PROSER1: variants seen among roughly 807,000 people sequenced by gnomAD.
The protein encoded by PROSER1 is proline and serine-rich protein 1.
Under a neutral mutation model 71.8 loss-of-function variants are expected in PROSER1, and 36 were observed. The ratio of observed to expected loss-of-function variants is 0.50; its 90% CI spans 0.38 to 0.66. The LOEUF is 0.66. PROSER1 is among the 30% of genes least tolerant of loss of function. The pLI is 0.00. For synonymous variants in PROSER1, 490 were observed against 452.4 expected, an observed-to-expected ratio of 1.08 and a Z score of -1.06; for missense variants, 1,107 against 1,135.0, an observed-to-expected ratio of 0.98 and a Z score of 0.35.
intron 1 of PROSER1, among the ~76,000 whole-genome samples, chr13:39,035,236 T>C (rs1343137411): frequency 6.6e-6 from 1 of 152,180 alleles, no homozygotes; most frequent in Non-Finnish European, 1.5e-5. Context: ...ATCAATGTAA[T>C]AATCGGACAC....
At position 39,013,880 on chromosome 13, in the gene PROSER1, C is replaced by A; in HGVS notation, c.1372G>T (p.Val458Phe). ...CTGTTCACACCAAGTGGACCGGCAA[C>A]GCTGGGAGTAGAGCCACCAGCAATT... ...PVIAGGSTPS[V>F]AGPLGVNSPL... The change falls in exon 11 of 13, where the codon GTT becomes TTT. Residue 458 changes from valine (V) to phenylalanine (F), a missense_variant. Coordinates refer to ENST00000352251, the MANE Select transcript of PROSER1 (RefSeq NM_025138.5). The A allele has an allele frequency of 6.2e-7, 1 of 1,614,132 alleles. No homozygotes were observed. The highest frequency in any genetic ancestry group is 1.1e-5 in the South Asian group (1 of 91,080).
At chr13:39,024,628 C>A in intron 6 of PROSER1, 72 bp from the exon 7 acceptor site, 1 of 1,070,912 alleles carries the variant, frequency 9.3e-7, no homozygotes, top group Non-Finnish European at 1.4e-6. Flanking sequence ...AATAACCAAC[C>A]TCACTGTATT....
intron 9 of PROSER1, among the ~76,000 whole-genome samples, chr13:39,019,559 AAAATG>A (rs1870190624): frequency 6.6e-6 from 1 of 150,984 alleles, no homozygotes; most frequent in Non-Finnish European, 1.5e-5. Context: ...ATATGGAAGT[AAAATG>A]ATATATAGAA....
chr13:39,022,971 C>T, intron 8 of PROSER1, 81 bp downstream of exon 8: 4 of 1,210,216 alleles, frequency 3.3e-6, no homozygotes, highest in Non-Finnish European at 4.8e-6. Context: ...ATTTGCCAAC[C>T]ACATAGACCA....
chr13:39,029,103 T>C (rs1243377431), intron 4 of PROSER1, 178 bp downstream of exon 4: 1 of 422,664 alleles, frequency 2.4e-6, no homozygotes, highest in East Asian at 3.6e-5. Context: ...TTTTATAAGT[T>C]ATAGTCATAT....
In PROSER1 at chr13:39,013,674, G is replaced by C; in HGVS notation, c.1578C>G (p.Thr526=). The change falls in exon 11 of 13, where the codon ACC becomes ACG. Residue 526 remains threonine, a synonymous_variant. Transcript: ENST00000352251. ...NKCYAPSAIP[T]PQRTSTPGLA... is the part of the protein sequence containing the mutation. ...ACCCTGGAGTGGAAGTCCTCTGTGG[G>C]GTAGGGATGGCTGATGGGGCATAGC... 6.2e-7 allele frequency: 1 copy of C among 1,614,178 alleles called. No individual in the cohort carries two copies.
intron 8 of PROSER1, 71 bp downstream of exon 8, chr13:39,022,981 A>T (rs1870364069): frequency 7.7e-7 from 1 of 1,304,588 alleles, no homozygotes; most frequent in South Asian, 1.2e-5. Flanking sequence ...CACATAGACC[A>T]GCATTTACTT....
intron 9 of PROSER1, 94 bp from the exon 10 acceptor site, chr13:39,017,638 T>A (rs377125052): frequency 1.5e-6 from 1 of 682,460 alleles, no homozygotes; most frequent in South Asian, 1.8e-5. Context: ...AAACACAGGA[T>A]ATAAATATTT....
Position 39,010,373 on chromosome 13 carries a change from C to T in PROSER1, c.*992G>A, listed in dbSNP as rs1869584930. ...GATTGGAATTCATTCTCCTTACTCC[C>T]CTACTTCCCACATGTGGCAGTTATT... On this transcript the variant is annotated 3_prime_UTR_variant, in exon 13 of 13. Coordinates refer to ENST00000352251, the MANE Select transcript of PROSER1 (RefSeq NM_025138.5). The T allele has an allele frequency of 6.6e-6, 1 of 152,590 alleles. No homozygotes were observed. The highest frequency in any genetic ancestry group is 2.4e-5 in the African/African-American group (1 of 41,432). The allele number at this position is 152,590 out of a possible 1,614,324, so 9.5% of individuals were successfully genotyped here. A position where few individuals can be genotyped will look rare whatever the true frequency, so the allele number is the denominator to read the frequency against.
chr13:39,012,986 GTGC>G lies in PROSER1; in HGVS notation c.2263_2265del (p.Ala755del). ...AGGGGGAAAGGTGCTGCTGAGACTG[GTGC>G]TGAAGCAGAAAGCCCTGAGAGAACA... is the stretch of plus-strand genomic sequence containing the variant. On this transcript the variant is annotated inframe_deletion, in exon 11 of 13. Coordinates refer to ENST00000352251, the MANE Select transcript of PROSER1 (RefSeq NM_025138.5). The G allele has an allele frequency of 6.2e-7, 1 of 1,614,214 alleles. No individual in the cohort carries two copies.
At chr13:39,017,625 G>A in intron 9 of PROSER1, 81 bp from the exon 10 acceptor site, 2 of 724,034 alleles carry the variant, frequency 2.8e-6, no homozygotes, top group Non-Finnish European at 4.5e-6. Context: ...TGGATAAAAA[G>A]AAAAACACAG....
chr13:39,018,578 G>A (rs765526258), intron 9 of PROSER1, among the ~76,000 whole-genome samples: 3 of 149,176 alleles, frequency 2.0e-5, no homozygotes, highest in Admixed American at 6.7e-5. Context: ...ATTAATAAAT[G>A]GAAAGAATAA....
Position 39,011,338 on chromosome 13 carries a change from C to A in PROSER1, c.*27G>T. ...GTTCTCAGGCAATTCTGATGTTGCT[C>A]TGAAGGAGAATAAAAGTTAAAAGTA... On this transcript the variant is annotated 3_prime_UTR_variant, in exon 13 of 13. Coordinates refer to ENST00000352251, the MANE Select transcript of PROSER1 (RefSeq NM_025138.5). 6.2e-7 allele frequency: 1 copy of A among 1,611,692 alleles called. No individual in the cohort carries two copies. The highest frequency in any genetic ancestry group is 1.1e-5 in the South Asian group (1 of 90,856).
intron 10 of PROSER1, among the ~76,000 whole-genome samples, chr13:39,016,231 A>G (rs1387280091): frequency 6.6e-6 from 1 of 152,256 alleles, no homozygotes; most frequent in Non-Finnish European, 1.5e-5. Flanking sequence ...GTTATTAACC[A>G]TAAAACATGA....
chr13:39,032,494 G>C (rs1021392451), intron 2 of PROSER1, among the ~76,000 whole-genome samples: 1 of 152,172 alleles, frequency 6.6e-6, no homozygotes, highest in African/African-American at 2.4e-5. Context: ...CAAGAAGACA[G>C]TTCCTGAAAA....
Position 39,012,961 on chromosome 13 carries a change from A to G in PROSER1, c.2291T>C (p.Leu764Pro), listed in dbSNP as rs1869753545. Reference protein sequence around the residue: ...SAPVSAAPFPLNLSTAVPSLF... With the variant: ...SAPVSAAPFPPNLSTAVPSLF... The stretch of plus-strand genomic sequence containing the variant: ...TGAGGGAACAGCAGTGGACAGGTTG[A>G]GGGGGAAAGGTGCTGCTGAGACTGG... The change falls in exon 11 of 13, where the codon CTC becomes CCC. Residue 764 changes from leucine (L) to proline (P), a missense_variant. Leu to Pro is a moderately conservative substitution (Grantham distance 98). Transcript: ENST00000352251. 2 of 1,614,118 alleles carry G rather than the reference A, an allele frequency of 1.2e-6. No individual in the cohort carries two copies. Among genetic ancestry groups the G allele is most frequent in the South Asian group, 2.2e-5 (2 of 91,078 alleles).
intron 3 of PROSER1, among the ~76,000 whole-genome samples, chr13:39,029,912 TTGTGA>T (rs1870756191): frequency 6.6e-6 from 1 of 152,210 alleles, no homozygotes; most frequent in Non-Finnish European, 1.5e-5. Context: ...TTAATGTGCA[TTGTGA>T]TGCACCAAGA....
chr13:39,028,026 T>G (rs1477994739), intron 5 of PROSER1, among the ~76,000 whole-genome samples: 2 of 152,154 alleles, frequency 1.3e-5, no homozygotes, highest in Non-Finnish European at 2.9e-5. Context: ...CTTCTCACTC[T>G]CAAGCCATCT....
At chr13:39,034,217 C>T (rs764244990) in intron 1 of PROSER1, 21 bp from the exon 2 acceptor site, 6 of 1,543,170 alleles carry the variant, frequency 3.9e-6, no homozygotes, top group East Asian at 4.6e-5. Flanking sequence ...AAAACACACA[C>T]ACACAGAGTA....
Sources: gnomAD v4.1 joint callset for allele counts (sites outside exome capture counted in the v4.1 genomes callset) on GRCh38, gnomAD v4.1.1 for gene constraint, MANE v1.5 for transcripts, NCBI Gene and HGNC (gene_info 2026-07-23, HGNC 2026-07-21) for gene names.